Variants in MB21D2 observed in about 807,000 individuals in gnomAD.
The protein encoded by MB21D2 is Mab-21 domain containing 2.
In MB21D2, 9 loss-of-function variants were observed where a neutral mutation model predicts 33.3. That is an observed-to-expected ratio of 0.27 (90% CI 0.16 to 0.47). The LOEUF is 0.47. Ranked by LOEUF, MB21D2 falls within the 20% of genes least tolerant of loss-of-function variation. MB21D2 has a pLI of 0.99. For missense variants in MB21D2, 540 were observed against 624.6 expected (o/e 0.86, Z 1.44); for synonymous variants, 241 against 236.3 (o/e 1.02, Z -0.18).
intron 1 of MB21D2, among the ~76,000 whole-genome samples, chr3:192,854,411 T>C (rs996702912): frequency 2.0e-5 from 3 of 152,200 alleles, no homozygotes; most frequent in African/African-American, 4.8e-5. Flanking sequence ...GTGATGAAGC[T>C]GCAGAAGAAA....
chr3:192,798,219 T>G lies in MB21D2; in HGVS notation c.*167A>C. On this transcript the variant is annotated 3_prime_UTR_variant, in exon 2 of 2. Transcript: ENST00000392452. The surrounding 1 kb of genome is among the most constrained non-coding windows in gnomAD (Gnocchi z 4.8). ...TCAGAGGCAGAATATGAAATAGTAA[T>G]ATACTGTTTCAGAGCCTGCACCATC... 1 of 671,872 alleles carries G rather than the reference T, an allele frequency of 1.5e-6. No homozygotes were observed. Among genetic ancestry groups the G allele is most frequent in the Non-Finnish European group, 2.5e-6 (1 of 403,658 alleles). The allele number at this position is 671,872 out of a possible 1,614,324, so 41.6% of individuals were successfully genotyped here.
At position 192,917,783 on chromosome 3, in the gene MB21D2, G is replaced by C. The variant is rs147822960; in HGVS notation, c.58C>G (p.Pro20Ala). 1.9e-6 allele frequency: 3 copies of C among 1,613,688 alleles called. No homozygotes were observed. Among genetic ancestry groups the C allele is most frequent in the African/African-American group, 2.7e-5 (2 of 75,050 alleles). ...CTGAAATCCAGCTCCGGGAACGCAG[G>C]CTTGTTGTTACAGCCCAGGGAGGCT... ...KAASLGCNNK[P>A]AFPELDFRSG... Residue 20 changes from proline (P) to alanine (A), a missense_variant, in exon 1 of 2, where the codon CCT becomes GCT. Transcript: ENST00000392452.
At chr3:192,857,730 T>G (rs1712949622) in intron 1 of MB21D2, among the ~76,000 whole-genome samples, 2 of 152,124 alleles carry the variant, frequency 1.3e-5, no homozygotes, top group Admixed American at 1.3e-4. Flanking sequence ...AGACTCCTCC[T>G]TCTGAGACCA....
intron 1 of MB21D2, among the ~76,000 whole-genome samples, chr3:192,839,651 C>A (rs1321947966): frequency 6.6e-6 from 1 of 152,146 alleles, no homozygotes; most frequent in Non-Finnish European, 1.5e-5. Flanking sequence ...AAGTCTAGAT[C>A]TAGATATATG....
At chr3:192,816,751 C>A (rs929966033) in intron 1 of MB21D2, among the ~76,000 whole-genome samples, 1 of 151,928 alleles carries the variant, frequency 6.6e-6, no homozygotes, top group Non-Finnish European at 1.5e-5. Context: ...ATGTGGATGC[C>A]GTGATAGAAA....
At chr3:192,883,099 C>G (rs1457161438) in intron 1 of MB21D2, among the ~76,000 whole-genome samples, 4 of 152,068 alleles carry the variant, frequency 2.6e-5, no homozygotes, top group African/African-American at 9.7e-5. Context: ...AACTCCTGAT[C>G]TCAGGTAATC....
chr3:192,888,371 C>A (rs1299056389), intron 1 of MB21D2, among the ~76,000 whole-genome samples: 1 of 152,068 alleles, frequency 6.6e-6, no homozygotes, highest in African/African-American at 2.4e-5. Context: ...GAAGGTTAAA[C>A]GCAGTATATC....
chr3:192,912,206 G>A (rs1157233948), intron 1 of MB21D2, among the ~76,000 whole-genome samples: 1 of 152,218 alleles, frequency 6.6e-6, no homozygotes, highest in Non-Finnish European at 1.5e-5. Context: ...AAGGAAACAG[G>A]GGAGGGGTCC....
intron 1 of MB21D2, among the ~76,000 whole-genome samples, chr3:192,863,495 GT>G (rs777230023): frequency 6.6e-6 from 1 of 152,050 alleles, no homozygotes; most frequent in East Asian, 1.9e-4. Context: ...TGTAAGTTTA[GT>G]TTTTTTTCTT....
Position 192,860,200 on chromosome 3 carries a change from A to G in MB21D2, c.211+57430T>C, listed in dbSNP as rs113346192. Among the ~76,000 whole-genome samples, 1,274 of 151,900 alleles carry G rather than the reference A, an allele frequency of 8.4e-3. 24 individuals carry two copies. The highest frequency in any genetic ancestry group is 0.029 in the African/African-American group (1,220 of 41,426). The stretch of plus-strand genomic sequence containing the variant: ...GAGCCAAAAGCCTACCTCCCTCTTC[A>G]CTCTTGGCTACGTGCTGACCGACCC... On this transcript the variant is annotated intron_variant, in intron 1 of 1. Transcript: ENST00000392452.
intron 1 of MB21D2, among the ~76,000 whole-genome samples, chr3:192,894,998 C>G (rs1221965380): frequency 6.6e-6 from 1 of 150,446 alleles, no homozygotes; most frequent in South Asian, 2.1e-4. Flanking sequence ...GCATCAAACT[C>G]ATCACCAACT....
intron 1 of MB21D2, among the ~76,000 whole-genome samples, chr3:192,877,746 G>A (rs1407290834): frequency 6.6e-6 from 1 of 152,186 alleles, no homozygotes; most frequent in East Asian, 1.9e-4. Context: ...TAATAGCTTA[G>A]TGACACCAAA....
chr3:192,909,463 T>C (rs1234593117), intron 1 of MB21D2, among the ~76,000 whole-genome samples: 2 of 152,198 alleles, frequency 1.3e-5, no homozygotes, highest in South Asian at 2.1e-4. Flanking sequence ...GGGATTTCTA[T>C]TGGCAACAAA....
In MB21D2 at chr3:192,798,948, C is replaced by G; in HGVS notation, c.914G>C (p.Ser305Thr). The stretch of plus-strand genomic sequence containing the variant: ...GCAGGCCTGATAGGCCTGCATGAGG[C>G]TGCTGGAGATGCACTTCTTCAACTG... ...EVQLKKCISS[S>T]LMQAYQACKA... Residue 305 changes from serine (S) to threonine (T), a missense_variant, in exon 2 of 2, where the codon AGC becomes ACC. By Grantham distance (58) the Ser-to-Thr change is moderately conservative. Coordinates refer to ENST00000392452, the MANE Select transcript of MB21D2 (RefSeq NM_178496.4). The surrounding 1 kb of genome is among the most constrained non-coding windows in gnomAD (Gnocchi z 4.8). The G allele has an allele frequency of 1.2e-6, 2 of 1,613,950 alleles. No homozygotes were observed. The highest frequency in any genetic ancestry group is 1.7e-6 in the Non-Finnish European group (2 of 1,179,954).
At chr3:192,833,443 C>T (rs1309766578) in intron 1 of MB21D2, among the ~76,000 whole-genome samples, 1 of 152,160 alleles carries the variant, frequency 6.6e-6, no homozygotes, top group Non-Finnish European at 1.5e-5. Flanking sequence ...AAACAAAAAA[C>T]TTCCACTTCA....
chr3:192,912,286 G>A (rs1409114088), intron 1 of MB21D2, among the ~76,000 whole-genome samples: 2 of 152,160 alleles, frequency 1.3e-5, no homozygotes, highest in Non-Finnish European at 2.9e-5. Context: ...CACGCTGATT[G>A]GCAAACACTA....
intron 1 of MB21D2, among the ~76,000 whole-genome samples, chr3:192,859,150 C>T (rs1712981319): frequency 6.6e-6 from 1 of 152,156 alleles, no homozygotes; most frequent in Admixed American, 6.5e-5. Context: ...CATCCCTGAG[C>T]AGTACTGCAC....
chr3:192,896,578 G>C lies in MB21D2; in HGVS notation c.211+21052C>G, dbSNP rs1282939347. ...CTACCCTCCCTTCCAGATCCACAAG[G>C]ACAAAAGCACTGGTATTGTTCATCT... On this transcript the variant is annotated intron_variant, in intron 1 of 1. Coordinates refer to ENST00000392452, the MANE Select transcript of MB21D2 (RefSeq NM_178496.4). Among the ~76,000 whole-genome samples, 6 of 152,200 alleles carry C rather than the reference G, an allele frequency of 3.9e-5. No individual in the cohort carries two copies. The East Asian group carries it at 1.2e-3, about 29-fold the overall frequency.
At chr3:192,908,306 G>A (rs963693842) in intron 1 of MB21D2, among the ~76,000 whole-genome samples, 1 of 151,922 alleles carries the variant, frequency 6.6e-6, no homozygotes, top group Non-Finnish European at 1.5e-5. Context: ...AGATAAATAA[G>A]CCAGGTATTC....
Sources: allele counts gnomAD v4.1 joint callset (sites outside exome capture counted in the v4.1 genomes callset), GRCh38; gene constraint gnomAD v4.1.1; non-coding constraint Gnocchi (gnomAD v3.1); transcripts MANE v1.5; gene names NCBI Gene and HGNC (gene_info 2026-07-23, HGNC 2026-07-21).